GNB1: variants seen among roughly 807,000 people sequenced by gnomAD.
GNB1 encodes G protein subunit beta 1, also known as guanine nucleotide-binding protein G(I)/G(S)/G(T) subunit beta-1.
Under a neutral mutation model 42.9 loss-of-function variants are expected in GNB1, and 2 were observed. That is an observed-to-expected ratio of 0.05 (90% CI 0.02 to 0.15). The LOEUF (loss-of-function observed/expected upper bound fraction) is 0.15, where lower values mean the gene tolerates loss of function less well. Ranked by LOEUF, GNB1 falls within the 10% of genes least tolerant of loss-of-function variation. GNB1 has a pLI of 1.00. For synonymous variants in GNB1, 183 were observed against 174.7 expected, an observed-to-expected ratio of 1.05 and a Z score of -0.38; for missense variants, 193 against 462.2, an observed-to-expected ratio of 0.42 and a Z score of 5.34.
intron 1 of GNB1, among the ~76,000 whole-genome samples, chr1:1,880,955 T>G (rs1448137652): frequency 6.6e-6 from 1 of 151,988 alleles, no homozygotes; most frequent in Admixed American, 6.6e-5. Context: ...CAGAGATCAA[T>G]GAGATCAGAG....
intron 1 of GNB1, among the ~76,000 whole-genome samples, chr1:1,869,080 G>A (rs1649105033): frequency 6.7e-6 from 1 of 150,064 alleles, no homozygotes; most frequent in Admixed American, 6.7e-5. Context: ...CAGCTACCTG[G>A]GAGGCTGAGG....
chr1:1,805,478 CCA>C (rs2100713237), intron 6 of GNB1, among the ~76,000 whole-genome samples: 1 of 152,112 alleles, frequency 6.6e-6, no homozygotes. Context: ...ACAAAAAAAC[CCA>C]CACGTATTGG....
At chr1:1,799,262 T>G (rs1301093032) in intron 7 of GNB1, among the ~76,000 whole-genome samples, 1 of 152,210 alleles carries the variant, frequency 6.6e-6, no homozygotes, top group Non-Finnish European at 1.5e-5. Flanking sequence ...TGTGTTTTTT[T>G]TAAATAACAC....
chr1:1,810,955 A>G (rs1477779346), intron 5 of GNB1, among the ~76,000 whole-genome samples: 1 of 151,586 alleles, frequency 6.6e-6, no homozygotes, highest in East Asian at 1.9e-4. Flanking sequence ...GGCGTGAACC[A>G]CGGTGCCTGG....
intron 1 of GNB1, among the ~76,000 whole-genome samples, chr1:1,848,191 AAC>A (rs778811491): frequency 6.6e-6 from 1 of 151,836 alleles, no homozygotes; most frequent in Non-Finnish European, 1.5e-5. Flanking sequence ...CACCCTGGCC[AAC>A]ACAGTGAAAC....
chr1:1,805,731 G>C (rs551565840), intron 6 of GNB1, among the ~76,000 whole-genome samples: 2 of 151,920 alleles, frequency 1.3e-5, no homozygotes, highest in African/African-American at 4.8e-5. Flanking sequence ...TAGTAGAGAC[G>C]AGGTTTCACC....
intron 2 of GNB1, among the ~76,000 whole-genome samples, chr1:1,826,640 C>G (rs150517989): frequency 3.9e-5 from 6 of 152,192 alleles, no homozygotes; most frequent in Non-Finnish European, 8.8e-5. Context: ...TCAGGGACAA[C>G]CCACTCTCCC....
Position 1,838,388 on chromosome 1 carries a change from A to C in GNB1, c.-47+802T>G, listed in dbSNP as rs149089421. 3.9e-3 allele frequency among the ~76,000 whole-genome samples: 596 copies of C among 152,172 alleles called. 6 individuals are homozygous for C. The highest frequency in any genetic ancestry group is 0.013 in the African/African-American group (547 of 41,522). ...TTCATTATTCCCACTTTATTCAAACAAAAAGGTTTTTGTTTTGTTTTGTTT... is the reference window on the plus strand; with the variant it reads ...TTCATTATTCCCACTTTATTCAAACCAAAAGGTTTTTGTTTTGTTTTGTTT... On this transcript the variant is annotated intron_variant, in intron 2 of 11. Coordinates refer to ENST00000378609, the MANE Select transcript of GNB1 (RefSeq NM_002074.5).
At chr1:1,792,384 T>C (rs1490148942) in intron 8 of GNB1, among the ~76,000 whole-genome samples, 4 of 152,104 alleles carry the variant, frequency 2.6e-5, no homozygotes, top group East Asian at 3.9e-4. Flanking sequence ...AGCAGGTACT[T>C]TGAGCCTGAT....
At chr1:1,803,267 T>C (rs932068582) in intron 7 of GNB1, among the ~76,000 whole-genome samples, 10 of 152,362 alleles carry the variant, frequency 6.6e-5, no homozygotes, top group East Asian at 1.9e-4. Flanking sequence ...GGTGAAATAA[T>C]AGACTACCTA....
At position 1,815,751 on chromosome 1, in the gene GNB1, C is replaced by T. The variant is rs771521068; in HGVS notation, c.203+5G>A. 1 of 1,498,998 alleles carries T rather than the reference C, an allele frequency of 6.7e-7. No homozygotes were observed. Among genetic ancestry groups the T allele is most frequent in the South Asian group, 1.1e-5 (1 of 88,784 alleles). The allele number at this position is 1,498,998 out of a possible 1,614,324, so 92.9% of individuals were successfully genotyped here. On this transcript the variant is annotated splice_donor_5th_base_variant and intron_variant, in intron 5 of 11. Coordinates refer to ENST00000378609, the MANE Select transcript of GNB1 (RefSeq NM_002074.5). ...AAGCAGCATCCTGCTCATGCCCACG[C>T]CTACCTGGAGTCTGTGCCCCAGTGC...
chr1:1,848,029 A>C (rs1461151645), intron 1 of GNB1, among the ~76,000 whole-genome samples: 1 of 123,952 alleles, frequency 8.1e-6, no homozygotes, highest in Non-Finnish European at 1.8e-5. Context: ...ATGGCACAGG[A>C]ACTAAAACTA....
chr1:1,823,188 G>A (rs991454518), intron 3 of GNB1, among the ~76,000 whole-genome samples: 16 of 148,630 alleles, frequency 1.1e-4, no homozygotes, highest in African/African-American at 4.0e-4. Flanking sequence ...CTTGCAGTGA[G>A]CTGAGATCGC....
At chr1:1,852,841 C>A (rs958188834) in intron 1 of GNB1, among the ~76,000 whole-genome samples, 1 of 152,246 alleles carries the variant, frequency 6.6e-6, no homozygotes, top group South Asian at 2.1e-4. Flanking sequence ...TCTGCCACAC[C>A]CAGTCACGCC....
In GNB1 at chr1:1,790,207, T is replaced by C. The variant is rs1646463367; in HGVS notation, c.699+188A>G. ...GGACTGGCATACAACACCCTGTGAG[T>C]ATCTGTGAGACAAGTGGTCAACACA... On this transcript the variant is annotated intron_variant, in intron 9 of 11. Coordinates refer to ENST00000378609, the MANE Select transcript of GNB1 (RefSeq NM_002074.5). The surrounding 1 kb of genome is among the most constrained non-coding windows in gnomAD (Gnocchi z 5.4). 6.6e-6 allele frequency among the ~76,000 whole-genome samples: 1 copy of C among 152,168 alleles called. No homozygotes were observed. The highest frequency in any genetic ancestry group is 2.1e-4 in the South Asian group (1 of 4,828).
At chr1:1,818,021 T>TC (rs1291990702) in intron 3 of GNB1, 146 bp from the exon 4 acceptor site, 8 of 639,994 alleles carry the variant, frequency 1.3e-5, no homozygotes, top group Non-Finnish European at 2.0e-5. Context: ...TCCTTGCATC[T>TC]CAACACCCCA....
intron 1 of GNB1, among the ~76,000 whole-genome samples, chr1:1,867,602 G>A (rs1048018349): frequency 3.9e-5 from 6 of 152,212 alleles, no homozygotes; most frequent in African/African-American, 9.6e-5. Flanking sequence ...TCTAAAAATA[G>A]ACTTGCTGGA....
chr1:1,822,747 A>G lies in GNB1; in HGVS notation c.57+2650T>C, dbSNP rs75163110. Among the ~76,000 whole-genome samples the G allele has an allele frequency of 8.4e-3, 1,275 of 152,278 alleles. 22 individuals are homozygous for G. Among genetic ancestry groups the G allele is most frequent in the African/African-American group, 0.029 (1,224 of 41,554 alleles). ...CAACGTGACAGGGTCCAAACCTCGG[A>G]AGGAGGTGCAACAGTTCCTTTTGGC... On this transcript the variant is annotated intron_variant, in intron 3 of 11. Coordinates refer to ENST00000378609, the MANE Select transcript of GNB1 (RefSeq NM_002074.5).
At chr1:1,883,151 G>A (rs1156503235) in intron 1 of GNB1, among the ~76,000 whole-genome samples, 1 of 151,480 alleles carries the variant, frequency 6.6e-6, no homozygotes, top group African/African-American at 2.4e-5. Context: ...ATGTGCCCGT[G>A]GTCCTAGCTA....
Sources: allele counts gnomAD v4.1 joint callset (sites outside exome capture counted in the v4.1 genomes callset), GRCh38; gene constraint gnomAD v4.1.1; non-coding constraint Gnocchi (gnomAD v3.1); transcripts MANE v1.5; gene names NCBI Gene and HGNC (gene_info 2026-07-23, HGNC 2026-07-21).